SLC5A10: variants seen among roughly 807,000 people sequenced by gnomAD.
SLC5A10 encodes solute carrier family 5 member 10, also known as sodium/mannose cotransporter SLC5A10.
SLC5A10 carries 55 observed loss-of-function variants against 68.9 expected under a neutral mutation model. That is an observed-to-expected ratio of 0.80 (90% CI 0.64 to 1.00). The LOEUF (loss-of-function observed/expected upper bound fraction) is 1.00, where lower values mean the gene tolerates loss of function less well. SLC5A10 is among the 50% of genes least tolerant of loss of function. The pLI, the probability that SLC5A10 is intolerant of heterozygous loss-of-function variation, is 0.00. For missense variants in SLC5A10, 732 were observed against 819.3 expected, an observed-to-expected ratio of 0.89 and a Z score of 1.30; for synonymous variants, 344 against 344.8, an observed-to-expected ratio of 1.00 and a Z score of 0.02.
intron 9 of SLC5A10, 88 bp from the exon 10 acceptor site, chr17:19,013,322 G>A (rs750504691): frequency 1.3e-6 from 2 of 1,576,940 alleles, no homozygotes; most frequent in South Asian, 1.2e-5. Flanking sequence ...AGCAGGTCTG[G>A]GCCAGGCTCC....
intron 5 of SLC5A10, among the ~76,000 whole-genome samples, chr17:18,962,875 C>G (rs949280959): frequency 6.6e-6 from 1 of 152,146 alleles, no homozygotes; most frequent in Non-Finnish European, 1.5e-5. Flanking sequence ...AGAGCTTATA[C>G]CTCACACTCG....
chr17:18,964,413 G>T (rs1324108971), intron 5 of SLC5A10, among the ~76,000 whole-genome samples: 1 of 152,168 alleles, frequency 6.6e-6, no homozygotes, highest in Non-Finnish European at 1.5e-5. Context: ...CTGGCCTGTG[G>T]GTTCTGGGCT....
chr17:18,958,854 A>G, intron 2 of SLC5A10, 101 bp downstream of exon 2: 2 of 1,400,836 alleles, frequency 1.4e-6, no homozygotes, highest in Non-Finnish European at 2.0e-6. Context: ...AGTCCAATTC[A>G]GTGGAGCAGG....
At chr17:18,964,115 C>T (rs888191869) in intron 5 of SLC5A10, among the ~76,000 whole-genome samples, 3 of 152,190 alleles carry the variant, frequency 2.0e-5, no homozygotes, top group Non-Finnish European at 4.4e-5. Flanking sequence ...TCACCCCCAT[C>T]CCCGCAGGCC....
chr17:19,019,933 G>A lies in SLC5A10; in HGVS notation c.1626+5G>A, dbSNP rs2044228819. Reference sequence around the variant, plus strand: ...CCACCCCCACAGAGTGTCCAGGTGAGCCAGCCCTGACCCCTGACCCTGACC... The same window carrying A: ...CCACCCCCACAGAGTGTCCAGGTGAACCAGCCCTGACCCCTGACCCTGACC... On this transcript the variant is annotated splice_donor_5th_base_variant and intron_variant, in intron 13 of 14. Coordinates refer to ENST00000395645, the MANE Select transcript of SLC5A10 (RefSeq NM_001042450.4). The A allele has an allele frequency of 1.3e-6, 2 of 1,599,036 alleles. No homozygotes were observed. Among genetic ancestry groups the A allele is most frequent in the Non-Finnish European group, 8.5e-7 (1 of 1,174,052 alleles).
chr17:19,009,267 C>T (rs1030344426), intron 9 of SLC5A10, among the ~76,000 whole-genome samples: 4 of 152,130 alleles, frequency 2.6e-5, no homozygotes, highest in Non-Finnish European at 5.9e-5. Flanking sequence ...TCACGGTTCA[C>T]TGCAGCCTGC....
intron 9 of SLC5A10, among the ~76,000 whole-genome samples, chr17:19,010,123 G>A (rs1188109027): frequency 2.6e-5 from 4 of 152,130 alleles, no homozygotes; most frequent in Non-Finnish European, 1.5e-5. Flanking sequence ...GGAGAGGCAC[G>A]GAGCGGGTTT....
intron 5 of SLC5A10, among the ~76,000 whole-genome samples, chr17:18,963,632 T>C (rs1024629288): frequency 3.1e-4 from 47 of 152,362 alleles, no homozygotes; most frequent in African/African-American, 1.0e-3. Context: ...GCCCCGGGAA[T>C]GCCTCACATG....
chr17:18,957,531 C>T (rs541963436), intron 1 of SLC5A10, among the ~76,000 whole-genome samples: 8 of 152,248 alleles, frequency 5.3e-5, no homozygotes, highest in East Asian at 1.9e-4. Flanking sequence ...TGCAGTGGCA[C>T]GATCTCGGCT....
In SLC5A10 at chr17:19,013,477, C is replaced by T. The variant is rs759602693; in HGVS notation, c.1050C>T (p.Asn350=). Residue 350 remains asparagine (N), a synonymous_variant, in exon 10 of 15, where the codon AAC becomes AAT. Coordinates refer to ENST00000395645, the MANE Select transcript of SLC5A10 (RefSeq NM_001042450.4). ...RACGAEVGCS[N]IAYPKLVMEL... ...GCGGGGCCGAGGTCGGCTGCTCCAACATCGCCTACCCCAAGCTGGTCATGG... is the reference window on the plus strand; with the variant it reads ...GCGGGGCCGAGGTCGGCTGCTCCAATATCGCCTACCCCAAGCTGGTCATGG... 41 of 1,588,388 alleles carry T rather than the reference C, an allele frequency of 2.6e-5. No individual in the cohort carries two copies. The highest frequency in any genetic ancestry group is 3.3e-5 in the Non-Finnish European group (39 of 1,167,684).
At chr17:18,969,024 T>C (rs8415) in intron 5 of SLC5A10, 28 bp from the exon 6 acceptor site, 820,918 of 1,594,514 alleles carry the variant, frequency 0.51, 213,456 homozygotes, top group Admixed American at 0.57. Flanking sequence ...GGAATAACAG[T>C]CCCACACAAG....
At chr17:18,959,514 G>A (rs907208566) in intron 3 of SLC5A10, 90 bp from the exon 4 acceptor site, 23 of 1,415,298 alleles carry the variant, frequency 1.6e-5, no homozygotes, top group African/African-American at 5.6e-5. Context: ...CCAGGCCTCC[G>A]GATGGCTCAT....
intron 9 of SLC5A10, among the ~76,000 whole-genome samples, chr17:18,984,253 A>G (rs2043209805): frequency 6.6e-6 from 1 of 150,696 alleles, no homozygotes; most frequent in East Asian, 2.0e-4. Context: ...GAAGCAGGAT[A>G]ATGGCACGAA....
intron 5 of SLC5A10, among the ~76,000 whole-genome samples, chr17:18,961,164 G>A (rs1165495245): frequency 6.6e-6 from 1 of 152,208 alleles, no homozygotes; most frequent in Non-Finnish European, 1.5e-5. Context: ...TCAGGGTCAG[G>A]AGAAGCATAG....
At chr17:19,008,485 G>A (rs1328419099) in intron 9 of SLC5A10, among the ~76,000 whole-genome samples, 1 of 151,506 alleles carries the variant, frequency 6.6e-6, no homozygotes, top group African/African-American at 2.4e-5. Flanking sequence ...TTACAGAGGA[G>A]GAGACAGCCT....
At position 19,019,719 on chromosome 17, in the gene SLC5A10, T is replaced by C. The variant is rs971706097; in HGVS notation, c.1417T>C (p.Phe473Leu). The C allele has an allele frequency of 1.1e-5, 17 of 1,610,010 alleles. No individual in the cohort carries two copies. The highest frequency in any genetic ancestry group is 1.4e-5 in the Non-Finnish European group (16 of 1,179,478). ...CTGCCTCCCTCCTCCCCAGGGGGCC[T>C]TCTGGGGCCTGATAGCAGGGCTGGT... ...FWRRANEQGA[F>L]WGLIAGLVVG... The change falls in exon 13 of 15, where the codon TTC becomes CTC. Residue 473 changes from phenylalanine to leucine, a missense_variant. Coordinates refer to ENST00000395645, the MANE Select transcript of SLC5A10 (RefSeq NM_001042450.4).
rs184549441 is a variant in SLC5A10 at position 19,008,523 on chromosome 17, G to A, written c.983-4887G>A. 7.5e-4 allele frequency among the ~76,000 whole-genome samples: 111 copies of A among 147,802 alleles called. 2 individuals carry two copies. The East Asian group carries it at 0.021, about 28-fold the overall frequency. On this transcript the variant is annotated intron_variant, in intron 9 of 14. Coordinates refer to ENST00000395645, the MANE Select transcript of SLC5A10 (RefSeq NM_001042450.4). The stretch of plus-strand genomic sequence containing the variant: ...CAGATTTTTTTTTTTTTTTTGATAC[G>A]GGGTCTTGCACTGTTGCCCAGGCTG...
chr17:18,978,088 G>C, intron 9 of SLC5A10: 1 of 1,516,668 alleles, frequency 6.6e-7, no homozygotes. Context: ...GGAGCTCCAG[G>C]ACCCAGCCAA....
At chr17:18,975,273 G>A (rs145087730) in intron 8 of SLC5A10, among the ~76,000 whole-genome samples, 2 of 152,212 alleles carry the variant, frequency 1.3e-5, no homozygotes, top group East Asian at 1.9e-4. Flanking sequence ...CTTGCCCTGC[G>A]TTCGGAGGCT....
Sources: allele counts gnomAD v4.1 joint callset (sites outside exome capture counted in the v4.1 genomes callset), GRCh38; gene constraint gnomAD v4.1.1; transcripts MANE v1.5; gene names NCBI Gene and HGNC (gene_info 2026-07-23, HGNC 2026-07-21).